The following DTNA variants were observed in gnomAD, a reference collection of about 807,000 sequenced individuals.
DTNA encodes dystrobrevin alpha.
Under a neutral mutation model 100.7 loss-of-function variants are expected in DTNA, and 43 were observed. That is an observed-to-expected ratio of 0.43 (90% CI 0.33 to 0.55). The LOEUF is 0.55. Ranked by LOEUF, DTNA falls within the 20% of genes least tolerant of loss-of-function variation. The probability of loss-of-function intolerance (pLI) is 0.04; values close to 1 mark genes in which losing one functional copy is unlikely to be tolerated. For synonymous variants in DTNA, 349 were observed against 347.9 expected, an observed-to-expected ratio of 1.00 and a Z score of -0.04; for missense variants, 798 against 953.9, an observed-to-expected ratio of 0.84 and a Z score of 2.15.
At chr18:34,867,539 A>C (rs2096718947) in intron 17 of DTNA, 1 of 1,143,436 alleles carries the variant, frequency 8.7e-7, no homozygotes, top group Admixed American at 4.7e-5. Flanking sequence ...TTCTCTGCAA[A>C]TGGCTTCTTT....
At chr18:34,818,865 T>C (rs1387391768) in intron 8 of DTNA, among the ~76,000 whole-genome samples, 1 of 152,136 alleles carries the variant, frequency 6.6e-6, no homozygotes, top group Non-Finnish European at 1.5e-5. Context: ...AAACCATCTT[T>C]TCATGAAGAG....
chr18:34,686,397 CAT>C (rs1469779710), intron 1 of DTNA, among the ~76,000 whole-genome samples: 1 of 152,080 alleles, frequency 6.6e-6, no homozygotes, highest in Non-Finnish European at 1.5e-5. Flanking sequence ...TTGAGATAAT[CAT>C]GTGGTTTTTG....
At chr18:34,839,574 A>T (rs1029012867) in intron 13 of DTNA, among the ~76,000 whole-genome samples, 14 of 152,336 alleles carry the variant, frequency 9.2e-5, no homozygotes, top group African/African-American at 3.4e-4. Context: ...TTAAAGGAAA[A>T]GGACAAACTA....
intron 1 of DTNA, among the ~76,000 whole-genome samples, chr18:34,701,422 C>T (rs1430325743): frequency 6.6e-6 from 1 of 152,152 alleles, no homozygotes; most frequent in Non-Finnish European, 1.5e-5. Flanking sequence ...TAGAAGCACG[C>T]TCACATGGTG....
chr18:34,832,833 T>C (rs1219581429), intron 11 of DTNA, among the ~76,000 whole-genome samples: 1 of 152,234 alleles, frequency 6.6e-6, no homozygotes, highest in Non-Finnish European at 1.5e-5. Flanking sequence ...TCTGGATTTT[T>C]TTATTATATT....
At chr18:34,555,913 C>T (rs1290818997) in intron 1 of DTNA, among the ~76,000 whole-genome samples, 1 of 151,816 alleles carries the variant, frequency 6.6e-6, no homozygotes, top group Non-Finnish European at 1.5e-5. Flanking sequence ...GAGTTCAATT[C>T]CTGGGTATCC....
At chr18:34,711,760 C>G (rs928845937) in intron 1 of DTNA, among the ~76,000 whole-genome samples, 42 of 151,984 alleles carry the variant, frequency 2.8e-4, no homozygotes, top group African/African-American at 9.9e-4. Flanking sequence ...TATGTCCAAG[C>G]CATTTTCTAA....
intron 1 of DTNA, among the ~76,000 whole-genome samples, chr18:34,650,099 G>T (rs1295578578): frequency 1.3e-5 from 2 of 152,026 alleles, no homozygotes; most frequent in African/African-American, 4.8e-5. Flanking sequence ...AGGAGAACTT[G>T]AGAGTCAAAA....
Position 34,888,227 on chromosome 18 carries a change from C to A in DTNA, c.*493C>A, listed in dbSNP as rs1014082158. 37 of 985,792 alleles carry A rather than the reference C, an allele frequency of 3.8e-5. No homozygotes were observed. In the African/African-American group the frequency reaches 6.5e-4, roughly 17 times the overall value. 61.1% of individuals were successfully genotyped at this position (985,792 alleles called of 1,614,324 possible). ...TAGCTAGAAGTTTGATTTCTGAATT[C>A]TTTGAGATTTTAGCAAAACAGTTTA... On this transcript the variant is annotated 3_prime_UTR_variant, in exon 23 of 23. Coordinates refer to ENST00000444659, the MANE Select transcript of DTNA (RefSeq NM_001386795.1).
At chr18:34,597,466 A>G (rs566136626) in intron 1 of DTNA, among the ~76,000 whole-genome samples, 1 of 152,170 alleles carries the variant, frequency 6.6e-6, no homozygotes, top group South Asian at 2.1e-4. Context: ...AGCTCCATCC[A>G]CACCCTCACC....
chr18:34,838,961 G>C, intron 13 of DTNA, 124 bp downstream of exon 13: 1 of 784,534 alleles, frequency 1.3e-6, no homozygotes. Flanking sequence ...ACTGTTAACT[G>C]GTTCAGTTAA....
At chr18:34,638,150 T>G (rs2058856664) in intron 1 of DTNA, among the ~76,000 whole-genome samples, 1 of 152,232 alleles carries the variant, frequency 6.6e-6, no homozygotes, top group Non-Finnish European at 1.5e-5. Context: ...GAGCAAGTAT[T>G]AATCCCCTTT....
chr18:34,609,774 A>T (rs538864177), intron 1 of DTNA, among the ~76,000 whole-genome samples: 1 of 152,086 alleles, frequency 6.6e-6, no homozygotes, highest in South Asian at 2.1e-4. Context: ...ACTGTTTCTC[A>T]TCATCAAGCA....
At chr18:34,753,901 G>A (rs1156883626) in intron 1 of DTNA, among the ~76,000 whole-genome samples, 2 of 152,178 alleles carry the variant, frequency 1.3e-5, no homozygotes, top group Admixed American at 1.3e-4. Flanking sequence ...TAGGAAGGGA[G>A]TGTTTTTTTC....
intron 2 of DTNA, 83 bp from the exon 3 acceptor site, chr18:34,765,878 T>C: frequency 7.5e-7 from 1 of 1,333,668 alleles, no homozygotes; most frequent in Non-Finnish European, 1.1e-6. Flanking sequence ...AAGGATCATA[T>C]CTACAGTTGT....
At chr18:34,647,289 T>G (rs1216456216) in intron 1 of DTNA, among the ~76,000 whole-genome samples, 1 of 152,128 alleles carries the variant, frequency 6.6e-6, no homozygotes, top group Non-Finnish European at 1.5e-5. Flanking sequence ...GTGGTCCTGA[T>G]CAGCAGGTGG....
At chr18:34,554,704 C>T (rs1223008006) in intron 1 of DTNA, among the ~76,000 whole-genome samples, 3 of 142,648 alleles carry the variant, frequency 2.1e-5, no homozygotes, top group Admixed American at 2.0e-4. Flanking sequence ...TTGAACCAGC[C>T]TTGCATCCCA....
chr18:34,848,220 A>G (rs2096414415), intron 13 of DTNA, 76 bp from the exon 14 acceptor site: 3 of 1,434,180 alleles, frequency 2.1e-6, no homozygotes, highest in African/African-American at 1.4e-5. Context: ...AAATAGTAAA[A>G]ACTCCTTGTG....
rs551599856 is a variant in DTNA at position 34,652,216 on chromosome 18, A to G, written c.-1-103760A>G. 7.2e-5 allele frequency among the ~76,000 whole-genome samples: 11 copies of G among 152,252 alleles called. No individual in the cohort carries two copies. In the East Asian group the frequency reaches 2.1e-3, roughly 29 times the overall value. ...AGACAGAGGGCGGGGGAGGGAGGAC[A>G]AAAGTGGAAAGATCACCAGAAGGAA... On this transcript the variant is annotated intron_variant, in intron 1 of 19. Transcript: ENST00000283365.
Sources: allele counts gnomAD v4.1 joint callset (sites outside exome capture counted in the v4.1 genomes callset), GRCh38; gene constraint gnomAD v4.1.1; transcripts MANE v1.5; gene names NCBI Gene and HGNC (gene_info 2026-07-23, HGNC 2026-07-21).